PRRC2C: variants seen among roughly 807,000 people sequenced by gnomAD.
PRRC2C encodes the protein proline rich coiled-coil 2C.
In PRRC2C, 72 loss-of-function variants were observed where a neutral mutation model predicts 317.2. The ratio of observed to expected loss-of-function variants is 0.23; its 90% confidence interval spans 0.19 to 0.28. The LOEUF (loss-of-function observed/expected upper bound fraction) is 0.28, where lower values mean the gene tolerates loss of function less well. Among genes scored for constraint, PRRC2C ranks in the 10% least tolerant of loss-of-function variants. The probability of loss-of-function intolerance (pLI) is 1.00; values close to 1 mark genes in which losing one functional copy is unlikely to be tolerated. For missense variants in PRRC2C, 3,074 were observed against 3,459.7 expected, an observed-to-expected ratio of 0.89 and a Z score of 2.80; for synonymous variants, 1,296 against 1,205.9, an observed-to-expected ratio of 1.07 and a Z score of -1.55.
At chr1:171,587,622 T>TA (rs1166913348) in intron 31 of PRRC2C, 26 bp from the exon 32 acceptor site, 2 of 1,475,562 alleles carry the variant, frequency 1.4e-6, no homozygotes, top group Admixed American at 3.4e-5. Context: ...AAAGAAATGT[T>TA]AAGTTTATTT....
intron 1 of PRRC2C, among the ~76,000 whole-genome samples, chr1:171,494,958 C>G: frequency 6.6e-6 from 1 of 152,190 alleles, no homozygotes; most frequent in East Asian, 1.9e-4. Flanking sequence ...CAAAATTACA[C>G]GTCATTTCAC....
chr1:171,587,116 C>A lies in PRRC2C; in HGVS notation c.7863C>A (p.Pro2621=). 1.2e-6 allele frequency: 2 copies of A among 1,611,746 alleles called. No homozygotes were observed. Among genetic ancestry groups the A allele is most frequent in the Non-Finnish European group, 1.7e-6 (2 of 1,179,050 alleles). ...TLQPPLQHTT[P]QAQAQSLSRP... ...AGCCCCCATTACAGCATACCACTCC[C>A]CAAGCACAGGCTCAGAGTCTGAGTC... The change falls in exon 31 of 35, where the codon CCC becomes CCA. Residue 2621 remains proline, a synonymous_variant. Transcript: ENST00000647382.
rs767212763 is a variant in PRRC2C, at chr1:171,541,188, G to A, written c.3722G>A (p.Arg1241Gln). 1.1e-5 allele frequency: 18 copies of A among 1,612,676 alleles called. No individual in the cohort carries two copies. Among genetic ancestry groups the A allele is most frequent in the South Asian group, 4.4e-5 (4 of 90,888 alleles). Residue 1241 changes from arginine to glutamine, a missense_variant, in exon 16 of 35, where the codon CGA becomes CAA. Arg to Gln is a conservative substitution (Grantham distance 43). Transcript: ENST00000647382. This position sits in a 1 kb window ranked among gnomAD's most constrained non-coding sequence, Gnocchi z 4.1. ...EHIPSGPLRQ[R>Q]EESETRSESS... The stretch of plus-strand genomic sequence containing the variant: ...ATACCCTCAGGGCCTCTCAGACAGC[G>A]AGAAGAAAGTGAAACACGGAGTGAG...
chr1:171,548,523 T>G (rs951939029), intron 17 of PRRC2C, among the ~76,000 whole-genome samples: 8 of 152,206 alleles, frequency 5.3e-5, no homozygotes, highest in African/African-American at 1.9e-4. Context: ...AATTTCCAAT[T>G]AAAACATGGT....
At chr1:171,514,840 A>G (rs7521480) in intron 4 of PRRC2C, among the ~76,000 whole-genome samples, 195 bp downstream of exon 4, 18,805 of 152,262 alleles carry the variant, frequency 0.12, 1,232 homozygotes, top group East Asian at 0.22. Context: ...GTATGAGTCA[A>G]TGATATTGGT....
intron 1 of PRRC2C, among the ~76,000 whole-genome samples, chr1:171,487,199 C>A (rs974484179): frequency 6.6e-6 from 1 of 151,888 alleles, no homozygotes; most frequent in African/African-American, 2.4e-5. Flanking sequence ...CACAACAGAC[C>A]TTTGAGAAAA....
intron 17 of PRRC2C, among the ~76,000 whole-genome samples, chr1:171,546,362 A>G (rs1679116851): frequency 6.6e-6 from 1 of 152,268 alleles, no homozygotes; most frequent in Non-Finnish European, 1.5e-5. Context: ...AAGACCAGAT[A>G]GCTCAATAGT....
intron 1 of PRRC2C, among the ~76,000 whole-genome samples, chr1:171,498,120 C>T (rs911959476): frequency 1.3e-5 from 2 of 152,000 alleles, no homozygotes; most frequent in African/African-American, 4.8e-5. Flanking sequence ...AGCCACTATG[C>T]CCTGCCAATA....
chr1:171,551,164 C>A (rs1033639963), intron 18 of PRRC2C, among the ~76,000 whole-genome samples: 2 of 152,198 alleles, frequency 1.3e-5, no homozygotes, highest in African/African-American at 4.8e-5. Flanking sequence ...GCCATTCTAA[C>A]TGGTGTGAGA....
chr1:171,532,584 A>G lies in PRRC2C; in HGVS notation c.1496A>G (p.Lys499Arg). Residue 499 changes from lysine (K) to arginine (R), a missense_variant, in exon 12 of 35, where the codon AAA becomes AGA. By Grantham distance (26) the Lys-to-Arg change is conservative. This residue lies in a region of PRRC2C where 1,320 missense variants were observed against 1,395.7 expected (regional missense o/e 0.95). Coordinates refer to ENST00000647382, the MANE Select transcript of PRRC2C (RefSeq NM_001387844.1). The part of the protein sequence containing the change: ...RLDEKLGILE[K>R]QPSPEEIRER... Reference sequence around the variant, plus strand: ...GATGAGAAGCTTGGCATCCTGGAAAAACAACCATCTCCAGAGGAAATTAGG... The same window carrying G: ...GATGAGAAGCTTGGCATCCTGGAAAGACAACCATCTCCAGAGGAAATTAGG... The G allele has an allele frequency of 1.3e-6, 2 of 1,562,746 alleles. No homozygotes were observed. The highest frequency in any genetic ancestry group is 1.7e-6 in the Non-Finnish European group (2 of 1,153,384).
intron 6 of PRRC2C, among the ~76,000 whole-genome samples, chr1:171,519,859 G>A (rs113342044): frequency 1.8e-4 from 28 of 151,964 alleles, no homozygotes; most frequent in Admixed American, 2.0e-4. Context: ...ATTTTTATGC[G>A]GGGGCTGTGC....
intron 2 of PRRC2C, 112 bp from the exon 3 acceptor site, chr1:171,512,883 A>G (rs1048123768): frequency 1.7e-5 from 16 of 969,284 alleles, no homozygotes; most frequent in Non-Finnish European, 2.0e-5. Context: ...AAATACATGA[A>G]TGAAAATCAT....
At chr1:171,491,490 A>G (rs1667137606) in intron 1 of PRRC2C, among the ~76,000 whole-genome samples, 1 of 152,106 alleles carries the variant, frequency 6.6e-6, no homozygotes, top group Non-Finnish European at 1.5e-5. Context: ...AGAAGGATGT[A>G]TTTTTCCTAG....
At chr1:171,539,175 AT>A (rs1306814623) in intron 15 of PRRC2C, among the ~76,000 whole-genome samples, 1 of 151,950 alleles carries the variant, frequency 6.6e-6, no homozygotes, top group Non-Finnish European at 1.5e-5. Context: ...CTGATTCTGT[AT>A]TTTTAGTAGA....
intron 20 of PRRC2C, among the ~76,000 whole-genome samples, chr1:171,565,180 T>C (rs1215656454): frequency 6.6e-6 from 1 of 152,192 alleles, no homozygotes; most frequent in African/African-American, 2.4e-5. Context: ...CTGACCTTTT[T>C]TTGTTCTTGA....
chr1:171,532,762 G>A lies in PRRC2C; in HGVS notation c.1674G>A (p.Glu558=). ...EKEQEKQREM[E]KERKQEKEKE... is the part of the protein sequence containing the mutation. ...AGCAGGAAAAACAAAGAGAAATGGAGAAAGAAAGAAAGCAAGAAAAAGAAA... is the reference window on the plus strand; with the variant it reads ...AGCAGGAAAAACAAAGAGAAATGGAAAAAGAAAGAAAGCAAGAAAAAGAAA... Residue 558 remains glutamate, a synonymous_variant, in exon 12 of 35, where the codon GAG becomes GAA. Coordinates refer to ENST00000647382, the MANE Select transcript of PRRC2C (RefSeq NM_001387844.1). 6.5e-7 allele frequency: 1 copy of A among 1,530,468 alleles called. No individual in the cohort carries two copies. The highest frequency in any genetic ancestry group is 8.8e-7 in the Non-Finnish European group (1 of 1,142,472). The allele number at this position is 1,530,468 out of a possible 1,614,324, so 94.8% of individuals were successfully genotyped here. A position where few individuals can be genotyped will look rare whatever the true frequency, so the allele number is the denominator to read the frequency against.
intron 10 of PRRC2C, among the ~76,000 whole-genome samples, chr1:171,526,627 C>T (rs544637387): frequency 2.0e-4 from 30 of 152,154 alleles, no homozygotes; most frequent in Admixed American, 1.8e-3. Context: ...CGTGAGGCAC[C>T]ACGCCTGGCT....
intron 26 of PRRC2C, among the ~76,000 whole-genome samples, chr1:171,578,084 C>T (rs944209455): frequency 2.0e-5 from 3 of 151,492 alleles, no homozygotes; most frequent in Non-Finnish European, 4.4e-5. Flanking sequence ...GCATGAGCCA[C>T]CTCACCCAGC....
intron 25 of PRRC2C, among the ~76,000 whole-genome samples, chr1:171,577,033 G>A (rs1042528640): frequency 2.0e-5 from 3 of 152,230 alleles, no homozygotes; most frequent in African/African-American, 7.2e-5. Flanking sequence ...TATTTCTAAG[G>A]TATAGCACTT....
Sources: gnomAD v4.1 joint callset for allele counts (sites outside exome capture counted in the v4.1 genomes callset) on GRCh38, gnomAD v4.1.1 for gene constraint, gnomAD v4.1.1 regional missense constraint, Gnocchi (gnomAD v3.1) non-coding constraint, MANE v1.5 for transcripts, NCBI Gene and HGNC (gene_info 2026-07-23, HGNC 2026-07-21) for gene names.